The following STRBP variants were observed in gnomAD, a reference collection of about 807,000 sequenced individuals.
STRBP encodes the protein spermatid perinuclear RNA binding protein.
A neutral mutation model predicts 80.1 loss-of-function variants in STRBP; 13 were observed. That is an observed-to-expected ratio of 0.16 (90% CI 0.11 to 0.26). STRBP has a LOEUF of 0.26. Among genes scored for constraint, STRBP ranks in the 10% least tolerant of loss-of-function variants. STRBP has a pLI of 1.00. For missense variants in STRBP, 485 were observed against 815.2 expected (o/e 0.59, Z 4.93); for synonymous variants, 284 against 291.2 (o/e 0.98, Z 0.25).
intron 2 of STRBP, among the ~76,000 whole-genome samples, chr9:123,211,628 A>G (rs1474185780): frequency 6.6e-6 from 1 of 152,220 alleles, no homozygotes; most frequent in Admixed American, 6.5e-5. Flanking sequence ...CTCAGCCTAT[A>G]TTAAATTTTT....
exon 3 of STRBP, chr9:123,116,051 G>GT (rs1053935862): frequency 7.2e-5 from 33 of 456,052 alleles, no homozygotes; most frequent in African/African-American, 5.2e-4. Flanking sequence ...ATTTCCATAG[G>GT]TTTTTTACCT....
At chr9:123,116,487 GC>G (rs2035647540) in intron 2 of STRBP, among the ~76,000 whole-genome samples, 1 of 152,162 alleles carries the variant, frequency 6.6e-6, no homozygotes, top group Non-Finnish European at 1.5e-5. Context: ...AGGCTGCCTG[GC>G]CCAGGGCTGA....
At chr9:123,222,480 A>G (rs1017884163) in intron 2 of STRBP, among the ~76,000 whole-genome samples, 3 of 152,188 alleles carry the variant, frequency 2.0e-5, no homozygotes, top group Non-Finnish European at 4.4e-5. Flanking sequence ...AGGCCCTTTC[A>G]GTCAATAGAG....
chr9:123,200,082 T>C (rs923501845), intron 2 of STRBP, among the ~76,000 whole-genome samples: 1 of 152,224 alleles, frequency 6.6e-6, no homozygotes. Context: ...GTTTTTATCA[T>C]AAAGTGTGCT....
At chr9:123,112,774 G>T (rs1394728864) in intron 3 of STRBP, 2 of 167,082 alleles carry the variant, frequency 1.2e-5, no homozygotes, top group Admixed American at 1.3e-4. Flanking sequence ...CTTCTCTGAG[G>T]CCTGCTGAAC....
At chr9:123,185,563 A>T (rs1193471533) in intron 2 of STRBP, among the ~76,000 whole-genome samples, 1 of 152,168 alleles carries the variant, frequency 6.6e-6, no homozygotes, top group East Asian at 1.9e-4. Flanking sequence ...ACAGTAAGAG[A>T]TATCTCAAAA....
At chr9:123,185,494 T>C (rs1778909041) in intron 2 of STRBP, among the ~76,000 whole-genome samples, 1 of 152,208 alleles carries the variant, frequency 6.6e-6, no homozygotes, top group Non-Finnish European at 1.5e-5. Context: ...AATGCATAAG[T>C]GCTGCAATTC....
intron 2 of STRBP, among the ~76,000 whole-genome samples, chr9:123,235,066 T>G (rs2040516019): frequency 6.6e-6 from 1 of 151,652 alleles, no homozygotes; most frequent in Admixed American, 6.6e-5. Context: ...ACAACCAGTA[T>G]TCAAATGACA....
intron 4 of STRBP, among the ~76,000 whole-genome samples, 192 bp from the exon 5 acceptor site, chr9:123,174,034 G>A (rs1406219226): frequency 6.6e-6 from 1 of 152,008 alleles, no homozygotes; most frequent in East Asian, 1.9e-4. Context: ...GAGTCAATGG[G>A]GAACGTATTT....
intron 11 of STRBP, among the ~76,000 whole-genome samples, chr9:123,148,305 T>C (rs920061862): frequency 5.9e-5 from 9 of 152,156 alleles, no homozygotes; most frequent in South Asian, 2.1e-4. Flanking sequence ...TGGGGATACA[T>C]AGCAGGCACC....
chr9:123,255,322 A>C (rs2041006362), intron 1 of STRBP, among the ~76,000 whole-genome samples: 1 of 152,234 alleles, frequency 6.6e-6, no homozygotes, highest in African/African-American at 2.4e-5. Flanking sequence ...CTAAGGGGAA[A>C]AACAGGAGTA....
chr9:123,198,402 T>C (rs1048062580), intron 2 of STRBP, among the ~76,000 whole-genome samples: 1 of 152,154 alleles, frequency 6.6e-6, no homozygotes, highest in Non-Finnish European at 1.5e-5. Context: ...CCTTCCAAAG[T>C]TCTGGGATTA....
At chr9:123,156,740 T>G (rs1410613555) in intron 11 of STRBP, among the ~76,000 whole-genome samples, 1 of 151,308 alleles carries the variant, frequency 6.6e-6, no homozygotes, top group Non-Finnish European at 1.5e-5. Context: ...TGTTGTAGAC[T>G]CTCTGAAAGT....
At chr9:123,168,103 AAAT>A in intron 6 of STRBP, 1 of 545,486 alleles carries the variant, frequency 1.8e-6, no homozygotes, top group Non-Finnish European at 2.3e-6. Flanking sequence ...CCTTATACTC[AAAT>A]AATTTTTAAT....
chr9:123,261,314 C>T (rs1332455599), intron 1 of STRBP, among the ~76,000 whole-genome samples: 2 of 152,172 alleles, frequency 1.3e-5, no homozygotes, highest in Non-Finnish European at 2.9e-5. Context: ...TTCAAATTTG[C>T]TCAGCCATCA....
At chr9:123,163,272 T>C (rs2132405217) in intron 6 of STRBP, among the ~76,000 whole-genome samples, 1 of 152,326 alleles carries the variant, frequency 6.6e-6, no homozygotes, top group Non-Finnish European at 1.5e-5. Context: ...ACTCTGATTG[T>C]AACACAGATA....
intron 13 of STRBP, among the ~76,000 whole-genome samples, chr9:123,146,206 T>A (rs1037579605): frequency 6.6e-6 from 1 of 152,070 alleles, no homozygotes; most frequent in African/African-American, 2.4e-5. Flanking sequence ...AATATACTTA[T>A]AGAGAGATCC....
At chr9:123,138,234 TG>T (rs2036442540) in intron 14 of STRBP, among the ~76,000 whole-genome samples, 1 of 152,208 alleles carries the variant, frequency 6.6e-6, no homozygotes. Flanking sequence ...TTGTACTTAA[TG>T]GTCTGGACCT....
intron 2 of STRBP, among the ~76,000 whole-genome samples, chr9:123,199,223 C>T (rs916944720): frequency 1.3e-5 from 2 of 152,146 alleles, no homozygotes; most frequent in African/African-American, 2.4e-5. Context: ...CGTGAGCCAC[C>T]GCACCCAGCC....
Sources: allele counts gnomAD v4.1 joint callset (sites outside exome capture counted in the v4.1 genomes callset), GRCh38; gene constraint gnomAD v4.1.1; transcripts MANE v1.5; gene names NCBI Gene and HGNC (gene_info 2026-07-23, HGNC 2026-07-21).